The following INPP5B variants were observed in gnomAD, a reference collection of about 807,000 sequenced individuals.
INPP5B encodes type II inositol 1,4,5-trisphosphate 5-phosphatase.
A neutral mutation model predicts 118.5 loss-of-function variants in INPP5B; 90 were observed. The ratio of observed to expected loss-of-function variants is 0.76; its 90% confidence interval spans 0.64 to 0.90. The LOEUF is 0.90. Ranked by LOEUF, INPP5B falls within the 40% of genes least tolerant of loss-of-function variation. The pLI, the probability that INPP5B is intolerant of heterozygous loss-of-function variation, is 0.00. For synonymous variants in INPP5B, 385 were observed against 418.9 expected (o/e 0.92, Z 0.99); for missense variants, 984 against 1,125.6 (o/e 0.87, Z 1.80).
chr1:37,917,882 G>A (rs1570291940), intron 7 of INPP5B, among the ~76,000 whole-genome samples: 1 of 152,120 alleles, frequency 6.6e-6, no homozygotes, highest in East Asian at 1.9e-4. Context: ...AGCCATCCTG[G>A]TTGATTATGA....
intron 7 of INPP5B, among the ~76,000 whole-genome samples, chr1:37,918,509 C>T (rs1644948547): frequency 6.6e-6 from 1 of 152,164 alleles, no homozygotes; most frequent in Admixed American, 6.6e-5. Flanking sequence ...ATGAAGCCCT[C>T]CCCAGCCACA....
rs1024925839 is a variant in INPP5B at position 37,885,893 on chromosome 1, T to C, written c.1132-68A>G. ...GTGTCAGTCACTTAAACCTACAAAC[T>C]TTCTGGCCGGGCACGGTGGCTCACG... is the stretch of plus-strand genomic sequence containing the variant. On this transcript the variant is annotated intron_variant, in intron 12 of 23. Transcript: ENST00000373024. 68 of 1,489,424 alleles carry C rather than the reference T, an allele frequency of 4.6e-5. No homozygotes were observed. The South Asian group carries it at 6.8e-4, about 15-fold the overall frequency. The allele number at this position is 1,489,424 out of a possible 1,614,324, so 92.3% of individuals were successfully genotyped here. A position where few individuals can be genotyped will look rare whatever the true frequency, so the allele number is the denominator to read the frequency against.
At chr1:37,946,161 G>A (rs1646103367) in intron 2 of INPP5B, 91 bp downstream of exon 2, 4 of 1,200,562 alleles carry the variant, frequency 3.3e-6, no homozygotes, top group Admixed American at 2.0e-5. Context: ...GGTTCAGAGG[G>A]GCAGGAGAGG....
At chr1:37,931,679 T>C in intron 7 of INPP5B, 2 of 1,524,874 alleles carry the variant, frequency 1.3e-6, no homozygotes, top group Non-Finnish European at 1.8e-6. Flanking sequence ...GAACCTGCAG[T>C]GTTGCGCTCC....
chr1:37,889,617 GTA>G lies in INPP5B; in HGVS notation c.735_736del (p.Thr246AsnfsTer59). On this transcript the variant is annotated frameshift_variant, in exon 9 of 24. Transcript: ENST00000373024. LOFTEE classifies it high-confidence loss of function. ...CTGTAGTAGATGTGATTTCACAATT[GTA>G]TCTCGCAGTCCAAACTTCTGCATGG... 6.2e-7 allele frequency: 1 copy of G among 1,613,940 alleles called. No homozygotes were observed. The highest frequency in any genetic ancestry group is 8.5e-7 in the Non-Finnish European group (1 of 1,179,842).
At chr1:37,902,266 C>T (rs994610543) in intron 7 of INPP5B, among the ~76,000 whole-genome samples, 2 of 152,146 alleles carry the variant, frequency 1.3e-5, no homozygotes, top group South Asian at 2.1e-4. Flanking sequence ...GGATTACAGG[C>T]GTGAGCCACC....
chr1:37,864,761 T>C (rs959773515), intron 22 of INPP5B: 2 of 180,262 alleles, frequency 1.1e-5, no homozygotes, highest in African/African-American at 4.7e-5. Flanking sequence ...AGGGAAATAG[T>C]GAAGTAAGTA....
chr1:37,931,567 C>A, intron 7 of INPP5B: 1 of 1,537,900 alleles, frequency 6.5e-7, no homozygotes, highest in South Asian at 1.2e-5. Flanking sequence ...TTGGTCTTCG[C>A]CCCGAGCGTC....
At chr1:37,887,986 G>A (rs967776598) in intron 10 of INPP5B, among the ~76,000 whole-genome samples, 9 of 152,314 alleles carry the variant, frequency 5.9e-5, no homozygotes, top group Non-Finnish European at 1.2e-4. Context: ...AGTTCAGGAT[G>A]CACTGAGTTC....
At chr1:37,873,917 T>C in intron 18 of INPP5B, 76 bp downstream of exon 18, 1 of 1,220,526 alleles carries the variant, frequency 8.2e-7, no homozygotes, top group Non-Finnish European at 1.1e-6. Context: ...AAAAAGCTCA[T>C]TTTAGGAAAA....
At chr1:37,889,025 G>A (rs766265921) in intron 9 of INPP5B, among the ~76,000 whole-genome samples, 1 of 152,186 alleles carries the variant, frequency 6.6e-6, no homozygotes, top group Non-Finnish European at 1.5e-5. Context: ...GGCCAAGGCG[G>A]GAGGATTGCC....
intron 6 of INPP5B, 139 bp from the exon 7 acceptor site, chr1:37,932,192 GAAT>G: frequency 1.1e-6 from 1 of 888,778 alleles, no homozygotes; most frequent in East Asian, 2.8e-5. Flanking sequence ...TCAAATGCAA[GAAT>G]AATTGTGAAC....
chr1:37,929,215 G>A (rs1645355399), intron 7 of INPP5B: 1 of 152,118 alleles, frequency 6.6e-6, no homozygotes, highest in Non-Finnish European at 1.5e-5. Flanking sequence ...TGCCTCCTGG[G>A]TTCAAGCGAT....
chr1:37,940,644 C>G, intron 6 of INPP5B, 44 bp downstream of exon 6: 1 of 1,188,074 alleles, frequency 8.4e-7, no homozygotes, highest in Non-Finnish European at 1.3e-6. Flanking sequence ...TAGGTGAATA[C>G]CCAGCAACCC....
At chr1:37,892,247 A>G (rs1181814970) in intron 7 of INPP5B, among the ~76,000 whole-genome samples, 1 of 152,228 alleles carries the variant, frequency 6.6e-6, no homozygotes, top group African/African-American at 2.4e-5. Flanking sequence ...AACATAACAT[A>G]GCGACTTCCA....
Position 37,873,976 on chromosome 1 carries a change from A to G in INPP5B, c.1951+17T>C. On this transcript the variant is annotated intron_variant, in intron 18 of 23. Transcript: ENST00000373024. ...TCCCCAAACCAGATACCAGGAAGCT[A>G]GGAACAGAGGCCTTACCTGGCAGGA... 6.6e-7 allele frequency: 1 copy of G among 1,523,388 alleles called. No individual in the cohort carries two copies. The highest frequency in any genetic ancestry group is 8.9e-7 in the Non-Finnish European group (1 of 1,122,908). 94.4% of individuals were successfully genotyped at this position (1,523,388 alleles called of 1,614,324 possible). A position where few individuals can be genotyped will look rare whatever the true frequency, so the allele number is the denominator to read the frequency against.
chr1:37,928,207 C>G (rs564571643), intron 7 of INPP5B, among the ~76,000 whole-genome samples: 1 of 151,910 alleles, frequency 6.6e-6, no homozygotes, highest in African/African-American at 2.4e-5. Flanking sequence ...GAGTCTTGCT[C>G]TTGTCACCCA....
At chr1:37,902,706 T>A (rs1340642852) in intron 7 of INPP5B, among the ~76,000 whole-genome samples, 1 of 152,002 alleles carries the variant, frequency 6.6e-6, no homozygotes, top group Admixed American at 6.6e-5. Context: ...TACAGGCATG[T>A]GCCACCACAC....
chr1:37,944,513 G>A (rs1646046892), intron 3 of INPP5B, among the ~76,000 whole-genome samples: 1 of 151,788 alleles, frequency 6.6e-6, no homozygotes, highest in Admixed American at 6.6e-5. Context: ...GACTCCCAAA[G>A]TGTTGGGATT....
Sources: gnomAD v4.1 joint callset for allele counts (sites outside exome capture counted in the v4.1 genomes callset) on GRCh38, gnomAD v4.1.1 for gene constraint, MANE v1.5 for transcripts, NCBI Gene and HGNC (gene_info 2026-07-23, HGNC 2026-07-21) for gene names.